The following GSE1 variants were observed in gnomAD, a reference collection of about 807,000 sequenced individuals.
GSE1 encodes the protein Gse1 coiled-coil protein, also known as genetic suppressor element 1.
A neutral mutation model predicts 112.6 loss-of-function variants in GSE1; 32 were observed. The observed-to-expected ratio is 0.28, with a 90% CI of 0.21 to 0.38. GSE1 has a LOEUF of 0.38. Among genes scored for constraint, GSE1 ranks in the 10% least tolerant of loss-of-function variants. The probability of loss-of-function intolerance (pLI) is 1.00; values close to 1 mark genes in which losing one functional copy is unlikely to be tolerated. For synonymous variants in GSE1, 1,115 were observed against 735.6 expected, an observed-to-expected ratio of 1.52 and a Z score of -8.35; for missense variants, 2,348 against 1,699.2, an observed-to-expected ratio of 1.38 and a Z score of -6.71.
chr16:85,634,390 G>A (rs1366265963), intron 2 of GSE1, among the ~76,000 whole-genome samples: 2 of 152,116 alleles, frequency 1.3e-5, no homozygotes, highest in Non-Finnish European at 2.9e-5. Flanking sequence ...AGGGGTGTCC[G>A]GATGTAGCGA....
intron 1 of GSE1, among the ~76,000 whole-genome samples, chr16:85,627,087 G>T (rs1467166176): frequency 2.4e-5 from 1 of 42,382 alleles, no homozygotes; most frequent in Non-Finnish European, 4.2e-5. Context: ...AAAGCATTGT[G>T]CTGCTTCTGA....
At chr16:85,402,125 G>T (rs189110936) in intron 2 of GSE1, among the ~76,000 whole-genome samples, 2 of 152,208 alleles carry the variant, frequency 1.3e-5, no homozygotes, top group Non-Finnish European at 2.9e-5. Flanking sequence ...ATCCTGTGCC[G>T]TTTGTCCCGG....
intron 2 of GSE1, chr16:85,490,498 A>G (rs1412929046): frequency 6.6e-6 from 1 of 152,270 alleles, no homozygotes; most frequent in East Asian, 1.9e-4. Context: ...AGCCAGAAGG[A>G]ATGATGATGT....
chr16:85,469,420 C>T (rs932569107), intron 2 of GSE1, among the ~76,000 whole-genome samples: 2 of 152,152 alleles, frequency 1.3e-5, no homozygotes, highest in African/African-American at 4.8e-5. Flanking sequence ...CTGGAAGGGG[C>T]AGGAAGGACC....
chr16:85,648,138 A>G (rs2051036323), intron 2 of GSE1, among the ~76,000 whole-genome samples: 1 of 151,380 alleles, frequency 6.6e-6, no homozygotes, highest in Non-Finnish European at 1.5e-5. Context: ...CACCTCCTAG[A>G]AACACGTGTG....
chr16:85,225,133 A>C (rs1303691261), intron 1 of GSE1, among the ~76,000 whole-genome samples: 1 of 152,218 alleles, frequency 6.6e-6, no homozygotes, highest in African/African-American at 2.4e-5. Context: ...TAAAAAAAAA[A>C]AAGAAAGAAG....
At chr16:85,455,412 A>T (rs1333595312) in intron 2 of GSE1, among the ~76,000 whole-genome samples, 1 of 147,006 alleles carries the variant, frequency 6.8e-6, no homozygotes, top group Non-Finnish European at 1.5e-5. Flanking sequence ...AGAAAGAAAG[A>T]AAAGAAAAGA....
At chr16:85,337,473 T>C (rs1375477839) in intron 1 of GSE1, among the ~76,000 whole-genome samples, 3 of 151,730 alleles carry the variant, frequency 2.0e-5, no homozygotes, top group African/African-American at 7.3e-5. Flanking sequence ...GCCCGGCTAA[T>C]TTTTTGTATT....
chr16:85,449,738 G>T (rs550421481), intron 2 of GSE1, among the ~76,000 whole-genome samples: 5 of 152,324 alleles, frequency 3.3e-5, no homozygotes, highest in African/African-American at 1.2e-4. Context: ...CTGGGGTTTG[G>T]ATCGCTGCTG....
chr16:85,615,041 C>T (rs1272399091), intron 1 of GSE1, among the ~76,000 whole-genome samples: 3 of 152,350 alleles, frequency 2.0e-5, no homozygotes, highest in East Asian at 1.9e-4. Flanking sequence ...GCTCCCGCCT[C>T]CCGGCAGGGG....
intron 2 of GSE1, among the ~76,000 whole-genome samples, chr16:85,472,198 G>C (rs1250162484): frequency 6.6e-6 from 1 of 152,210 alleles, no homozygotes; most frequent in Non-Finnish European, 1.5e-5. Flanking sequence ...TCCTGGGGCT[G>C]CCATGATAAA....
intron 1 of GSE1, among the ~76,000 whole-genome samples, chr16:85,286,217 A>G: frequency 6.6e-6 from 1 of 152,224 alleles, no homozygotes; most frequent in Non-Finnish European, 1.5e-5. Flanking sequence ...AGGAGGACAC[A>G]GTGGCCACTT....
intron 1 of GSE1, among the ~76,000 whole-genome samples, chr16:85,605,105 CTG>C (rs2047644539): frequency 6.6e-6 from 1 of 151,512 alleles, no homozygotes; most frequent in Non-Finnish European, 1.5e-5. Flanking sequence ...ATGTGAGCCA[CTG>C]CGCCTGGTCT....
upstream of GSE1, among the ~76,000 whole-genome samples, chr16:85,551,494 C>T (rs1323093100): frequency 6.6e-6 from 1 of 152,242 alleles, no homozygotes; most frequent in Non-Finnish European, 1.5e-5. Flanking sequence ...AAAATCCTTC[C>T]CGCTACCCCG....
chr16:85,350,607 T>C (rs1195067781), intron 1 of GSE1, among the ~76,000 whole-genome samples: 1 of 152,136 alleles, frequency 6.6e-6, no homozygotes, highest in South Asian at 2.1e-4. Context: ...CCTTCAAGCT[T>C]TGAGGGGCCA....
Position 85,400,576 on chromosome 16 carries a change from T to C in GSE1, c.2464+42933T>C, listed in dbSNP as rs563565542. On this transcript the variant is annotated intron_variant, in intron 2 of 2. Coordinates refer to the GSE1 transcript ENST00000637419. ...TGTTGCGTGTGGTTGTGTACCTGTGTGATGCATGCGTCTGTGTATGAGTGT... is the reference window on the plus strand; with the variant it reads ...TGTTGCGTGTGGTTGTGTACCTGTGCGATGCATGCGTCTGTGTATGAGTGT... 8.6e-5 allele frequency among the ~76,000 whole-genome samples: 13 copies of C among 151,898 alleles called. No homozygotes were observed. In the South Asian group the frequency reaches 2.7e-3, roughly 32 times the overall value.
rs1323542247 is a variant in GSE1 at position 85,632,136 on chromosome 16, G to A, written c.8-1778G>A. 3.3e-5 allele frequency among the ~76,000 whole-genome samples: 5 copies of A among 152,200 alleles called. No homozygotes were observed. The East Asian group carries it at 7.7e-4, about 23-fold the overall frequency. Reference sequence around the variant, plus strand: ...GCGGCCTTGGAAAGGCAGGATGGGGGTGCAGGTCCCCCTCCACCCCTGGCC... The same window carrying A: ...GCGGCCTTGGAAAGGCAGGATGGGGATGCAGGTCCCCCTCCACCCCTGGCC... On this transcript the variant is annotated intron_variant, in intron 1 of 15. Coordinates refer to ENST00000253458, the MANE Select transcript of GSE1 (RefSeq NM_014615.5).
chr16:85,647,747 C>T lies in GSE1; in HGVS notation c.227-805C>T, dbSNP rs546034820. ...GACTACAGGCGCGCGCCATCACGCC[C>T]GGCTAATATTTGTATTTTTAGTAGA... On this transcript the variant is annotated intron_variant, in intron 2 of 15. Transcript: ENST00000253458. 1.9e-3 allele frequency among the ~76,000 whole-genome samples: 282 copies of T among 152,280 alleles called. 2 individuals are homozygous for T. Among genetic ancestry groups the T allele is most frequent in the African/African-American group, 6.1e-3 (254 of 41,560 alleles).
intron 7 of GSE1, 78 bp downstream of exon 7, chr16:85,656,743 C>G (rs905848381): frequency 2.1e-6 from 3 of 1,433,530 alleles, no homozygotes; most frequent in Non-Finnish European, 2.7e-6. Context: ...CAGCACCTGC[C>G]GGTTGCCGTG....
Sources: allele counts gnomAD v4.1 joint callset (sites outside exome capture counted in the v4.1 genomes callset), GRCh38; gene constraint gnomAD v4.1.1; transcripts MANE v1.5; gene names NCBI Gene and HGNC (gene_info 2026-07-23, HGNC 2026-07-21).